ACSBG1: variants seen among roughly 807,000 people sequenced by gnomAD.
ACSBG1 encodes the protein acyl-CoA synthetase bubblegum family member 1, also known as long-chain-fatty-acid--CoA ligase ACSBG1.
ACSBG1 carries 39 observed loss-of-function variants against 80.2 expected under a neutral mutation model. The observed-to-expected ratio is 0.49, with a 90% CI of 0.38 to 0.64. ACSBG1 has a LOEUF of 0.64. Ranked by LOEUF, ACSBG1 falls within the 30% of genes least tolerant of loss-of-function variation. ACSBG1 has a pLI of 0.00. For missense variants in ACSBG1, 828 were observed against 966.4 expected (o/e 0.86, Z 1.90); for synonymous variants, 392 against 379.5 (o/e 1.03, Z -0.38).
In ACSBG1 at chr15:78,217,715, C is replaced by T. The variant is rs566739801; in HGVS notation, c.132-9613G>A. Reference sequence around the variant, plus strand: ...CCGAGTAGCTGGGATTACAGGCACACGCCACCACACCCGGCTAATTTTTGT... The same window carrying T: ...CCGAGTAGCTGGGATTACAGGCACATGCCACCACACCCGGCTAATTTTTGT... On this transcript the variant is annotated intron_variant, in intron 1 of 13. Transcript: ENST00000258873. Among the ~76,000 whole-genome samples, 162 of 152,072 alleles carry T rather than the reference C, an allele frequency of 1.1e-3. 1 individual carries two copies. Among genetic ancestry groups the T allele is most frequent in the African/African-American group, 3.6e-3 (149 of 41,474 alleles).
At chr15:78,182,236 G>T in intron 7 of ACSBG1, 91 bp from the exon 8 acceptor site, 1 of 1,499,008 alleles carries the variant, frequency 6.7e-7, no homozygotes, top group Non-Finnish European at 8.9e-7. Flanking sequence ...CAGCCCCAGT[G>T]TGGTGCCCCC....
At chr15:78,215,059 T>A (rs1302616048) in intron 1 of ACSBG1, among the ~76,000 whole-genome samples, 1 of 152,050 alleles carries the variant, frequency 6.6e-6, no homozygotes, top group Non-Finnish European at 1.5e-5. Context: ...TCAATGCACT[T>A]TGCACCCCAA....
chr15:78,226,887 T>C (rs2075407825), intron 1 of ACSBG1, among the ~76,000 whole-genome samples: 1 of 144,474 alleles, frequency 6.9e-6, no homozygotes, highest in Non-Finnish European at 1.5e-5. Flanking sequence ...ACTAGGTAAA[T>C]TGGGCTTCAT....
At chr15:78,212,407 T>C (rs2075274042) in intron 1 of ACSBG1, 1 of 370,344 alleles carries the variant, frequency 2.7e-6, no homozygotes, top group Admixed American at 3.3e-5. Flanking sequence ...AAAGGATAAC[T>C]TGGCAAGATT....
chr15:78,173,988 G>A, intron 12 of ACSBG1, 149 bp from the exon 13 acceptor site: 2 of 979,328 alleles, frequency 2.0e-6, no homozygotes, highest in South Asian at 1.7e-5. Context: ...AGCTGCTACT[G>A]TGTTGAGCCT....
At position 78,171,200 on chromosome 15, in the gene ACSBG1, T is replaced by C. The variant is rs1034155964; in HGVS notation, c.*244A>G. On this transcript the variant is annotated 3_prime_UTR_variant, in exon 14 of 14. Coordinates refer to ENST00000258873, the MANE Select transcript of ACSBG1 (RefSeq NM_015162.5). Reference sequence around the variant, plus strand: ...GTTCTGGAAGGAGAGCTGATCTCATTTGTCACCTGAACAAAAAGCAATACT... The same window carrying C: ...GTTCTGGAAGGAGAGCTGATCTCATCTGTCACCTGAACAAAAAGCAATACT... 15 of 361,076 alleles carry C rather than the reference T, an allele frequency of 4.2e-5. No homozygotes were observed. The highest frequency in any genetic ancestry group is 1.9e-4 in the African/African-American group (9 of 48,320). The allele number at this position is 361,076 out of a possible 1,614,324, so 22.4% of individuals were successfully genotyped here.
chr15:78,212,606 G>C (rs1192244799), intron 1 of ACSBG1: 1 of 455,588 alleles, frequency 2.2e-6, no homozygotes, highest in Non-Finnish European at 4.4e-6. Flanking sequence ...CATGGTGCCT[G>C]GGGGGTGGCT....
chr15:78,198,875 T>C (rs551460493), intron 2 of ACSBG1, among the ~76,000 whole-genome samples: 137 of 152,318 alleles, frequency 9.0e-4, no homozygotes, highest in Non-Finnish European at 1.7e-3. Context: ...AAAATGCTCA[T>C]GGGACCAGGC....
rs1223401074 is a variant in ACSBG1, at chr15:78,215,493, C to T, written c.132-7391G>A. Among the ~76,000 whole-genome samples the T allele has an allele frequency of 2.6e-5, 4 of 151,988 alleles. No homozygotes were observed. The East Asian group carries it at 7.7e-4, about 29-fold the overall frequency. On this transcript the variant is annotated intron_variant, in intron 1 of 13. Transcript: ENST00000258873. ...CCAACATGGTGAAACCCCGTCTCTA[C>T]TAAAAATGCAAAATTAGCTGGGCGT...
chr15:78,233,066 G>A (rs981323600), intron 1 of ACSBG1, among the ~76,000 whole-genome samples: 35 of 152,170 alleles, frequency 2.3e-4, no homozygotes, highest in African/African-American at 8.0e-4. Context: ...AGGAGGGGAG[G>A]TGCCAGGACA....
chr15:78,191,471 T>C (rs2075056411), intron 5 of ACSBG1, among the ~76,000 whole-genome samples: 1 of 152,202 alleles, frequency 6.6e-6, no homozygotes, highest in South Asian at 2.1e-4. Flanking sequence ...TTCTTTCAAA[T>C]ATGCATGGAA....
chr15:78,222,043 C>T (rs1455238618), intron 1 of ACSBG1, among the ~76,000 whole-genome samples: 7 of 152,138 alleles, frequency 4.6e-5, no homozygotes, highest in Non-Finnish European at 8.8e-5. Context: ...CCCCACACAA[C>T]CCAAATGTCC....
At chr15:78,206,378 C>G (rs1424656013) in intron 2 of ACSBG1, among the ~76,000 whole-genome samples, 2 of 152,228 alleles carry the variant, frequency 1.3e-5, no homozygotes, top group Admixed American at 1.3e-4. Flanking sequence ...CCTTCCTCAG[C>G]CTGTCCCTGC....
intron 5 of ACSBG1, among the ~76,000 whole-genome samples, chr15:78,188,092 A>C (rs2075022836): frequency 6.6e-6 from 1 of 152,238 alleles, no homozygotes; most frequent in South Asian, 2.1e-4. Context: ...CAAAGAGAAT[A>C]AAATACCTAG....
chr15:78,203,733 T>C (rs1004111930), intron 2 of ACSBG1, among the ~76,000 whole-genome samples: 12 of 152,196 alleles, frequency 7.9e-5, no homozygotes, highest in Non-Finnish European at 1.8e-4. Context: ...GGGGCTGTTT[T>C]CCGTGGTCTG....
At chr15:78,208,906 C>T (rs746137282) in intron 1 of ACSBG1, among the ~76,000 whole-genome samples, 1 of 152,250 alleles carries the variant, frequency 6.6e-6, no homozygotes, top group Non-Finnish European at 1.5e-5. Context: ...TCCTAGATGG[C>T]TGAGCAGCTG....
At position 78,167,927 on chromosome 15, in the gene ACSBG1, T is replaced by G. The variant is rs1305445813; in HGVS notation, c.*3517A>C. 1.3e-5 allele frequency: 2 copies of G among 152,264 alleles called. No homozygotes were observed. The highest frequency in any genetic ancestry group is 2.9e-5 in the Non-Finnish European group (2 of 68,046). The allele number at this position is 152,264 out of a possible 1,614,324, so 9.4% of individuals were successfully genotyped here. ...TCACATTGGAGGTCATATGATTTTCTTATTCTTTAAAGTTATATTTGGGAA... is the reference window on the plus strand; with the variant it reads ...TCACATTGGAGGTCATATGATTTTCGTATTCTTTAAAGTTATATTTGGGAA... On this transcript the variant is annotated 3_prime_UTR_variant, in exon 14 of 14. Transcript: ENST00000258873.
chr15:78,182,421 A>G, intron 7 of ACSBG1, 45 bp downstream of exon 7: 1 of 1,601,650 alleles, frequency 6.2e-7, no homozygotes, highest in Middle Eastern at 1.7e-4. Flanking sequence ...AGATCCACCC[A>G]TAACCCCCTT....
chr15:78,220,916 T>C (rs897905921), intron 1 of ACSBG1, among the ~76,000 whole-genome samples: 2 of 152,228 alleles, frequency 1.3e-5, no homozygotes, highest in East Asian at 3.8e-4. Flanking sequence ...AGGTTATACA[T>C]AGAGTTACCA....
Sources: allele counts gnomAD v4.1 joint callset (sites outside exome capture counted in the v4.1 genomes callset), GRCh38; gene constraint gnomAD v4.1.1; transcripts MANE v1.5; gene names NCBI Gene and HGNC (gene_info 2026-07-23, HGNC 2026-07-21).